The following SH3RF1 variants were observed in gnomAD, a reference collection of about 807,000 sequenced individuals.
SH3RF1 encodes E3 ubiquitin-protein ligase SH3RF1.
SH3RF1 carries 32 observed loss-of-function variants against 74.0 expected under a neutral mutation model. That is an observed-to-expected ratio of 0.43 (90% CI 0.33 to 0.58). The LOEUF (loss-of-function observed/expected upper bound fraction) is 0.58, where lower values mean the gene tolerates loss of function less well. Ranked by LOEUF, SH3RF1 falls within the 20% of genes least tolerant of loss-of-function variation. The pLI is 0.05. For missense variants in SH3RF1, 954 were observed against 1,130.9 expected (o/e 0.84, Z 2.24); for synonymous variants, 396 against 439.6 (o/e 0.90, Z 1.24).
chr4:169,256,122 C>T (rs1051307136), intron 2 of SH3RF1, among the ~76,000 whole-genome samples: 12 of 152,152 alleles, frequency 7.9e-5, no homozygotes, highest in Middle Eastern at 6.8e-3. Flanking sequence ...GTTTCCCTTA[C>T]GGAAAGTCTT....
At chr4:169,261,279 G>C (rs921865987) in intron 2 of SH3RF1, among the ~76,000 whole-genome samples, 1 of 152,174 alleles carries the variant, frequency 6.6e-6, no homozygotes, top group African/African-American at 2.4e-5. Context: ...CTGCTTTCCT[G>C]GTCCACTGTC....
chr4:169,265,331 CA>C (rs1375464169), intron 2 of SH3RF1, among the ~76,000 whole-genome samples: 1 of 152,134 alleles, frequency 6.6e-6, no homozygotes, highest in African/African-American at 2.4e-5. Flanking sequence ...TAGTATAAAT[CA>C]GGGGGTCTCA....
At chr4:169,154,683 T>G (rs1734025338) in intron 4 of SH3RF1, among the ~76,000 whole-genome samples, 1 of 152,200 alleles carries the variant, frequency 6.6e-6, no homozygotes, top group Admixed American at 6.5e-5. Context: ...AAGACCTCAC[T>G]TCTTACCAGA....
intron 4 of SH3RF1, among the ~76,000 whole-genome samples, chr4:169,139,208 C>T (rs1348188144): frequency 2.0e-5 from 3 of 152,190 alleles, no homozygotes; most frequent in Non-Finnish European, 2.9e-5. Context: ...TTTCAAAGTG[C>T]TGGGATTACA....
At chr4:169,167,151 A>G (rs1268758394) in intron 2 of SH3RF1, 4 of 155,842 alleles carry the variant, frequency 2.6e-5, no homozygotes, top group African/African-American at 4.8e-5. Context: ...AACTGATAAC[A>G]TTAAAAAATA....
At chr4:169,155,659 A>G (rs1734037877) in intron 3 of SH3RF1, 84 bp from the exon 4 acceptor site, 4 of 985,528 alleles carry the variant, frequency 4.1e-6, no homozygotes, top group Non-Finnish European at 6.4e-6. Context: ...TTCAATAAAG[A>G]GACTCATGTT....
intron 2 of SH3RF1, among the ~76,000 whole-genome samples, chr4:169,265,032 C>T (rs1579170918): frequency 6.6e-6 from 1 of 152,204 alleles, no homozygotes; most frequent in Non-Finnish European, 1.5e-5. Flanking sequence ...ACACAATTCA[C>T]CCTCACGCTA....
intron 2 of SH3RF1, among the ~76,000 whole-genome samples, chr4:169,225,216 G>C (rs553159155): frequency 8.5e-5 from 13 of 152,296 alleles, no homozygotes; most frequent in Admixed American, 8.5e-4. Context: ...CATGAAAGGA[G>C]AAGAGGATTT....
chr4:169,181,134 T>C (rs986574821), intron 2 of SH3RF1, among the ~76,000 whole-genome samples: 9 of 152,148 alleles, frequency 5.9e-5, no homozygotes, highest in African/African-American at 1.4e-4. Flanking sequence ...CTGAAAATAA[T>C]AGCCTTTCTG....
intron 2 of SH3RF1, among the ~76,000 whole-genome samples, chr4:169,158,567 T>TA (rs1271808143): frequency 1.3e-5 from 2 of 152,334 alleles, no homozygotes; most frequent in East Asian, 3.9e-4. Flanking sequence ...ACTTAGGTCC[T>TA]ATGTGCCGGA....
chr4:169,107,333 T>A, intron 10 of SH3RF1, 128 bp from the exon 11 acceptor site: 1 of 694,222 alleles, frequency 1.4e-6, no homozygotes, highest in South Asian at 2.7e-5. Context: ...CCATAGTAGG[T>A]ATATGGGGCC....
intron 2 of SH3RF1, among the ~76,000 whole-genome samples, chr4:169,179,065 T>C (rs1406898791): frequency 1.3e-5 from 2 of 152,152 alleles, no homozygotes; most frequent in African/African-American, 4.8e-5. Flanking sequence ...TCTGTTGCCT[T>C]ACATGGCAAA....
At chr4:169,232,840 A>G (rs1056593391) in intron 2 of SH3RF1, among the ~76,000 whole-genome samples, 5 of 152,212 alleles carry the variant, frequency 3.3e-5, no homozygotes, top group Admixed American at 3.3e-4. Flanking sequence ...CAAATAAATA[A>G]GCAAGACTTC....
At chr4:169,110,757 G>A (rs1425984692) in intron 10 of SH3RF1, among the ~76,000 whole-genome samples, 1 of 152,176 alleles carries the variant, frequency 6.6e-6, no homozygotes, top group Admixed American at 6.5e-5. Flanking sequence ...CCACCTGTAG[G>A]AATGCTGGCT....
At chr4:169,206,003 T>C (rs184518006) in intron 2 of SH3RF1, among the ~76,000 whole-genome samples, 1 of 152,342 alleles carries the variant, frequency 6.6e-6, no homozygotes. Flanking sequence ...TATATTCATA[T>C]TTTTAACTGA....
At chr4:169,102,248 T>C (rs920482774) in intron 11 of SH3RF1, among the ~76,000 whole-genome samples, 3 of 152,202 alleles carry the variant, frequency 2.0e-5, no homozygotes, top group Non-Finnish European at 4.4e-5. Context: ...ATTACGTCCA[T>C]TGCTTCACCC....
chr4:169,123,488 C>T (rs1733475510), intron 6 of SH3RF1, among the ~76,000 whole-genome samples: 1 of 152,204 alleles, frequency 6.6e-6, no homozygotes, highest in African/African-American at 2.4e-5. Context: ...AAATGAGGTG[C>T]AGAGCCACTT....
chr4:169,096,512 A>G lies in SH3RF1; in HGVS notation c.*7T>C, dbSNP rs187271912. 9 of 1,611,846 alleles carry G rather than the reference A, an allele frequency of 5.6e-6. No individual in the cohort carries two copies. The East Asian group carries it at 2.0e-4, about 36-fold the overall frequency. On this transcript the variant is annotated 3_prime_UTR_variant, in exon 12 of 12. Coordinates refer to ENST00000284637, the MANE Select transcript of SH3RF1 (RefSeq NM_020870.4). The stretch of plus-strand genomic sequence containing the variant: ...AGTGATTTTAAGCTTCTTCAGTGTC[A>G]GTCTCCTCATATGTTTTCCACAAAG...
At chr4:169,157,863 C>G (rs113335119) in intron 2 of SH3RF1, among the ~76,000 whole-genome samples, 11 of 152,146 alleles carry the variant, frequency 7.2e-5, no homozygotes, top group African/African-American at 2.7e-4. Flanking sequence ...GCTTCAGCCT[C>G]CCAAGTAGCT....
Sources: gnomAD v4.1 joint callset for allele counts (sites outside exome capture counted in the v4.1 genomes callset) on GRCh38, gnomAD v4.1.1 for gene constraint, MANE v1.5 for transcripts, NCBI Gene and HGNC (gene_info 2026-07-23, HGNC 2026-07-21) for gene names.